The following ACSL6 variants were observed in gnomAD, a reference collection of about 807,000 sequenced individuals.
The protein encoded by ACSL6 is acyl-CoA synthetase long chain family member 6, also known as long-chain-fatty-acid--CoA ligase 6.
Under a neutral mutation model 98.2 loss-of-function variants are expected in ACSL6, and 47 were observed. That is an observed-to-expected ratio of 0.48 (90% CI 0.38 to 0.61). The LOEUF (loss-of-function observed/expected upper bound fraction) is 0.61. ACSL6 is among the 20% of genes least tolerant of loss of function. The pLI, the probability that ACSL6 is intolerant of heterozygous loss-of-function variation, is 0.00. For synonymous variants in ACSL6, 362 were observed against 336.9 expected, an observed-to-expected ratio of 1.07 and a Z score of -0.82; for missense variants, 761 against 913.4, an observed-to-expected ratio of 0.83 and a Z score of 2.15.
At chr5:132,010,438 C>T (rs1302888370) in intron 1 of ACSL6, among the ~76,000 whole-genome samples, 1 of 152,180 alleles carries the variant, frequency 6.6e-6, no homozygotes, top group Non-Finnish European at 1.5e-5. Context: ...GTGCCACCGA[C>T]CTCCTAGGGT....
chr5:132,011,442 G>T lies in ACSL6; in HGVS notation c.49+63C>A. 6.4e-7 allele frequency: 1 copy of T among 1,555,290 alleles called. No homozygotes were observed. The highest frequency in any genetic ancestry group is 1.1e-5 in the South Asian group (1 of 89,438). On this transcript the variant is annotated intron_variant, in intron 1 of 20. Coordinates refer to ENST00000651883, the MANE Select transcript of ACSL6 (RefSeq NM_001009185.3). This position sits in a 1 kb window ranked among gnomAD's most constrained non-coding sequence, Gnocchi z 5.4. Reference sequence around the variant, plus strand: ...CGCGGAGATGTAACACCTCCACCTCGGGCGAAGACCTCATAGCCTGCGGGA... The same window carrying T: ...CGCGGAGATGTAACACCTCCACCTCTGGCGAAGACCTCATAGCCTGCGGGA...
intron 14 of ACSL6, among the ~76,000 whole-genome samples, chr5:131,971,077 A>G (rs1753280881): frequency 1.3e-5 from 2 of 152,250 alleles, no homozygotes; most frequent in African/African-American, 4.8e-5. Context: ...CTTCATATGC[A>G]GAAACTTAAT....
rs1247081210 is a variant in ACSL6 at position 131,972,760 on chromosome 5, A to C, written c.1302T>G (p.Asp434Glu). Reference sequence around the variant, plus strand: ...TAAAGAAGAGTTCATCCCAGATACTATCATTCCTGATGATTCCACTCCGGA... The same window carrying C: ...TAAAGAAGAGTTCATCCCAGATACTCTCATTCCTGATGATTCCACTCCGGA... ...AEVRSGIIRN[D>E]SIWDELFFNK... The change falls in exon 13 of 21, where the codon GAT (aspartate) becomes GAG (glutamate). Residue 434 changes from aspartate (D) to glutamate (E), a missense_variant. Physicochemically the swap from Asp to Glu is conservative, Grantham distance 45 (BLOSUM62 2). Coordinates refer to ENST00000651883, the MANE Select transcript of ACSL6 (RefSeq NM_001009185.3). 6.2e-7 allele frequency: 1 copy of C among 1,614,200 alleles called. No individual in the cohort carries two copies. Among genetic ancestry groups the C allele is most frequent in the Non-Finnish European group, 8.5e-7 (1 of 1,180,030 alleles).
Position 131,966,354 on chromosome 5 carries a change from C to T in ACSL6, c.1713+62G>A. 25 of 1,524,576 alleles carry T rather than the reference C, an allele frequency of 1.6e-5. No homozygotes were observed. The South Asian group carries it at 2.7e-4, about 16-fold the overall frequency. 94.4% of individuals were successfully genotyped at this position (1,524,576 alleles called of 1,614,324 possible). ...TTGGAGAAGACTCCTGCCTCAGTGACCCGGACCACACACCCTCCCACTGCC... is the reference window on the plus strand; with the variant it reads ...TTGGAGAAGACTCCTGCCTCAGTGATCCGGACCACACACCCTCCCACTGCC... On this transcript the variant is annotated intron_variant, in intron 17 of 20. Transcript: ENST00000651883.
intron 14 of ACSL6, among the ~76,000 whole-genome samples, chr5:131,970,546 A>G (rs545228259): frequency 5.9e-5 from 9 of 151,884 alleles, no homozygotes; most frequent in Non-Finnish European, 1.0e-4. Flanking sequence ...AGTAGCTGGG[A>G]CTACAGACAT....
At position 131,988,072 on chromosome 5, in the gene ACSL6, G is replaced by A. The variant is rs1333212437; in HGVS notation, c.807C>T (p.Val269=). ...CCTCCACGGCCTGCATGGACTTAATGACCACCCCGCACTTCTGCCCTCTCT... is the reference window on the plus strand; with the variant it reads ...CCTCCACGGCCTGCATGGACTTAATAACCACCCCGCACTTCTGCCCTCTCT... The part of the protein sequence containing the change: ...LKERGQKCGV[V]IKSMQAVEDC... The change falls in exon 7 of 21, where the codon GTC becomes GTT. Residue 269 remains valine (V), a synonymous_variant. Transcript: ENST00000651883. 3.1e-6 allele frequency: 5 copies of A among 1,614,002 alleles called. No homozygotes were observed. The highest frequency in any genetic ancestry group is 1.3e-5 in the African/African-American group (1 of 74,922).
intron 9 of ACSL6, among the ~76,000 whole-genome samples, chr5:131,981,488 T>C (rs938965156): frequency 1.3e-5 from 2 of 151,922 alleles, no homozygotes; most frequent in African/African-American, 4.8e-5. Flanking sequence ...TCCCAGAGGC[T>C]CCCTTATCAC....
At position 131,959,623 on chromosome 5, in the gene ACSL6, T is replaced by C; in HGVS notation, c.1960-16A>G. The stretch of plus-strand genomic sequence containing the variant: ...TCTTCAGATCCTGAATCAAACCATA[T>C]GAGAAAAATTACAAGACAAGAACAC... On this transcript the variant is annotated splice_polypyrimidine_tract_variant and intron_variant, in intron 19 of 20. Coordinates refer to ENST00000651883, the MANE Select transcript of ACSL6 (RefSeq NM_001009185.3). The C allele has an allele frequency of 6.2e-7, 1 of 1,612,220 alleles. No homozygotes were observed.
rs529679549 is a variant in ACSL6 at position 132,010,698 on chromosome 5, G to A, written c.49+807C>T. ...GAATCTGCACATGGGGGTTGGGGTG[G>A]AGGTGGAGATCCTTTAGTGGTATTA... On this transcript the variant is annotated intron_variant, in intron 1 of 20. Coordinates refer to ENST00000651883, the MANE Select transcript of ACSL6 (RefSeq NM_001009185.3). Among the ~76,000 whole-genome samples the A allele has an allele frequency of 1.2e-3, 190 of 152,336 alleles. 1 individual carries two copies. Among genetic ancestry groups the A allele is most frequent in the Middle Eastern group, 0.01 (3 of 294 alleles).
chr5:131,968,064 T>C (rs764921484), intron 15 of ACSL6, 36 bp from the exon 16 acceptor site: 78 of 1,591,122 alleles, frequency 4.9e-5, no homozygotes, highest in Non-Finnish European at 6.5e-5. Flanking sequence ...TTGTTAGTGT[T>C]CAGATCTGTT....
chr5:131,962,678 C>A lies in ACSL6; in HGVS notation c.1714G>T (p.Ala572Ser), dbSNP rs773386832. 3 of 1,613,812 alleles carry A rather than the reference C, an allele frequency of 1.9e-6. No homozygotes were observed. Among genetic ancestry groups the A allele is most frequent in the African/African-American group, 1.3e-5 (1 of 74,912 alleles). ...CGATCAATAATTTTAAGAGTTCCTG[C>A]CTGTAGAGTTGGACAAACAGCTTTA... ...HTGDIGKWLP[A>S]GTLKIIDRKK... Residue 572 changes from alanine to serine, a missense_variant and splice_region_variant, in exon 18 of 21, where the codon GCA becomes TCA. Ala to Ser is a moderately conservative substitution (Grantham distance 99, BLOSUM62 1). Transcript: ENST00000651883.
At chr5:131,959,410 G>T (rs1752583810) in intron 20 of ACSL6, 126 bp downstream of exon 20, 3 of 1,010,488 alleles carry the variant, frequency 3.0e-6, no homozygotes, top group Non-Finnish European at 4.5e-6. Context: ...GGGGTCCATT[G>T]GTACACAGCC....
chr5:132,007,264 T>A (rs929086524), intron 1 of ACSL6, among the ~76,000 whole-genome samples: 2 of 152,202 alleles, frequency 1.3e-5, no homozygotes, highest in East Asian at 3.8e-4. Context: ...TGGCCTGTTA[T>A]CCTAGGCCTG....
At chr5:131,955,786 C>T (rs1752371906) in intron 20 of ACSL6, among the ~76,000 whole-genome samples, 2 of 152,172 alleles carry the variant, frequency 1.3e-5, no homozygotes, top group Admixed American at 1.3e-4. Flanking sequence ...TTAAAGAAAA[C>T]ATTAACACAA....
At chr5:131,980,815 C>A (rs1301801210) in intron 9 of ACSL6, among the ~76,000 whole-genome samples, 1 of 152,164 alleles carries the variant, frequency 6.6e-6, no homozygotes, top group African/African-American at 2.4e-5. Flanking sequence ...AAGTGCCTCA[C>A]CTCTTGGGCC....
chr5:131,999,889 AGTTT>A (rs1454259226), intron 1 of ACSL6, among the ~76,000 whole-genome samples: 1 of 151,990 alleles, frequency 6.6e-6, no homozygotes, highest in Non-Finnish European at 1.5e-5. Context: ...TCTGAAAGGG[AGTTT>A]GCCAAGTGGG....
chr5:131,973,594 T>G, intron 11 of ACSL6, 194 bp from the exon 12 acceptor site: 2 of 489,908 alleles, frequency 4.1e-6, no homozygotes, highest in Non-Finnish European at 7.2e-6. Flanking sequence ...CAAGTCCCAC[T>G]CAGGCACAGG....
chr5:131,994,381 A>T, intron 1 of ACSL6, 130 bp from the exon 2 acceptor site: 1 of 756,648 alleles, frequency 1.3e-6, no homozygotes, highest in Non-Finnish European at 2.1e-6. Context: ...GGATGTACAG[A>T]GTGCACCCCA....
Position 131,988,081 on chromosome 5 carries a change from G to C in ACSL6, c.798C>G (p.Cys266Trp), listed in dbSNP as rs765163105. Residue 266 changes from cysteine (C) to tryptophan (W), a missense_variant, in exon 7 of 21, where the codon TGC (cysteine) becomes TGG (tryptophan). By Grantham distance (215) the Cys-to-Trp change is radical (BLOSUM62 -2). Transcript: ENST00000651883. ...EEALKERGQK[C>W]GVVIKSMQAV... is the part of the protein sequence containing the mutation. ...CCTGCATGGACTTAATGACCACCCCGCACTTCTGCCCTCTCTCTTTCAGGG... is the reference window on the plus strand; with the variant it reads ...CCTGCATGGACTTAATGACCACCCCCCACTTCTGCCCTCTCTCTTTCAGGG... The C allele has an allele frequency of 6.2e-7, 1 of 1,614,096 alleles. No individual in the cohort carries two copies. Among genetic ancestry groups the C allele is most frequent in the South Asian group, 1.1e-5 (1 of 91,070 alleles).
Sources: allele counts gnomAD v4.1 joint callset (sites outside exome capture counted in the v4.1 genomes callset), GRCh38; gene constraint gnomAD v4.1.1; non-coding constraint Gnocchi (gnomAD v3.1); transcripts MANE v1.5; gene names NCBI Gene and HGNC (gene_info 2026-07-23, HGNC 2026-07-21).